The following MGAT4A variants were observed in gnomAD, a reference collection of about 807,000 sequenced individuals.
MGAT4A encodes the protein alpha-1,3-mannosyl-glycoprotein 4-beta-N-acetylglucosaminyltransferase A.
In MGAT4A, 33 loss-of-function variants were observed where a neutral mutation model predicts 74.1. The observed-to-expected ratio is 0.45, with a 90% CI of 0.34 to 0.60. MGAT4A has a LOEUF of 0.60. Among genes scored for constraint, MGAT4A ranks in the 20% least tolerant of loss-of-function variants. The pLI, the probability that MGAT4A is intolerant of heterozygous loss-of-function variation, is 0.02. For synonymous variants in MGAT4A, 198 were observed against 210.4 expected (o/e 0.94, Z 0.51); for missense variants, 479 against 628.3 (o/e 0.76, Z 2.54).
chr2:98,642,464 A>G (rs3769696), intron 10 of MGAT4A, among the ~76,000 whole-genome samples: 29,540 of 152,142 alleles, frequency 0.19, 3,309 homozygotes, highest in African/African-American at 0.3. Flanking sequence ...ACTACAGAAG[A>G]GTGAAGGAAT....
intron 2 of MGAT4A, among the ~76,000 whole-genome samples, chr2:98,690,397 C>T (rs897391052): frequency 2.0e-5 from 3 of 152,148 alleles, no homozygotes; most frequent in African/African-American, 4.8e-5. Flanking sequence ...GGGAAACTGA[C>T]CTCCCAACCC....
intron 2 of MGAT4A, among the ~76,000 whole-genome samples, chr2:98,712,300 T>C (rs11123747): frequency 0.33 from 49,786 of 152,142 alleles, 10,540 homozygotes; most frequent in African/African-American, 0.59. Flanking sequence ...TGTGCTGTTT[T>C]TACCCCAGTG....
rs191626424 is a variant in MGAT4A at position 98,669,392 on chromosome 2, C to T, written c.403+5643G>A. On this transcript the variant is annotated intron_variant, in intron 4 of 15. Transcript: ENST00000393487. ...TGCCATCCACGTAAGATGTGACTTG[C>T]TCCTCCTTGCCTTCCGCCATGATTG... 5.5e-4 allele frequency among the ~76,000 whole-genome samples: 84 copies of T among 152,300 alleles called. No homozygotes were observed. In the East Asian group the frequency reaches 6.2e-3, roughly 11 times the overall value.
At chr2:98,699,328 T>C (rs1341373807) in intron 2 of MGAT4A, among the ~76,000 whole-genome samples, 2 of 152,110 alleles carry the variant, frequency 1.3e-5, no homozygotes, top group African/African-American at 4.8e-5. Flanking sequence ...CTTGTACAAA[T>C]AGTTTAGGCA....
At chr2:98,633,839 C>CAA (rs1248380142) in intron 14 of MGAT4A, among the ~76,000 whole-genome samples, 8 of 152,184 alleles carry the variant, frequency 5.3e-5, no homozygotes, top group Admixed American at 3.3e-4. Context: ...ATAAATGTCT[C>CAA]AGATACTCAG....
At chr2:98,671,434 C>T (rs1448871871) in intron 4 of MGAT4A, among the ~76,000 whole-genome samples, 1 of 152,116 alleles carries the variant, frequency 6.6e-6, no homozygotes, top group African/African-American at 2.4e-5. Context: ...GGATAGAAAC[C>T]AAAATCCCAT....
At chr2:98,666,623 G>A (rs1221286635) in intron 4 of MGAT4A, among the ~76,000 whole-genome samples, 2 of 151,908 alleles carry the variant, frequency 1.3e-5, no homozygotes, top group Non-Finnish European at 2.9e-5. Flanking sequence ...AGCCTGGGAG[G>A]TAGAGGCTGC....
chr2:98,632,230 C>T (rs756670452), intron 14 of MGAT4A, among the ~76,000 whole-genome samples: 12 of 152,294 alleles, frequency 7.9e-5, no homozygotes, highest in Non-Finnish European at 1.8e-4. Flanking sequence ...CCCACTGGGA[C>T]CTCAGGAGCT....
intron 2 of MGAT4A, among the ~76,000 whole-genome samples, chr2:98,717,340 C>T (rs888205354): frequency 2.1e-4 from 32 of 150,880 alleles, no homozygotes; most frequent in African/African-American, 7.8e-4. Flanking sequence ...GATCGTGCCA[C>T]TGCACTGCAG....
intron 2 of MGAT4A, among the ~76,000 whole-genome samples, chr2:98,705,054 C>T (rs2871235): frequency 0.27 from 40,452 of 152,032 alleles, 6,286 homozygotes; most frequent in Non-Finnish European, 0.36. Context: ...GATAAGGAAA[C>T]CCAAGTTACT....
intron 2 of MGAT4A, among the ~76,000 whole-genome samples, chr2:98,693,509 C>T (rs1042038284): frequency 6.6e-6 from 1 of 152,038 alleles, no homozygotes; most frequent in African/African-American, 2.4e-5. Context: ...CAATTATAAA[C>T]AGGCTAGGCA....
chr2:98,729,544 A>G (rs1255239974), intron 1 of MGAT4A, among the ~76,000 whole-genome samples: 1 of 152,218 alleles, frequency 6.6e-6, no homozygotes, highest in Non-Finnish European at 1.5e-5. Context: ...AACAACAACA[A>G]AAAAAGGTAG....
At chr2:98,683,044 C>T (rs1176969891) in intron 2 of MGAT4A, among the ~76,000 whole-genome samples, 1 of 151,442 alleles carries the variant, frequency 6.6e-6, no homozygotes, top group Admixed American at 6.6e-5. Flanking sequence ...GCCGAGATCG[C>T]GCCACTGCAC....
At position 98,678,297 on chromosome 2, in the gene MGAT4A, T is replaced by A; in HGVS notation, c.262+7A>T. 1 of 1,294,666 alleles carries A rather than the reference T, an allele frequency of 7.7e-7. No homozygotes were observed. Among genetic ancestry groups the A allele is most frequent in the Non-Finnish European group, 1.0e-6 (1 of 993,128 alleles). The allele number at this position is 1,294,666 out of a possible 1,614,324, so 80.2% of individuals were successfully genotyped here. A position where few individuals can be genotyped will look rare whatever the true frequency, so the allele number is the denominator to read the frequency against. On this transcript the variant is annotated splice_region_variant and intron_variant, in intron 3 of 15. Transcript: ENST00000393487. ...TCTTTTTATAATATAAAAAATACTG[T>A]TTGTACCTGAAAACTTATTCAACGC...
intron 2 of MGAT4A, among the ~76,000 whole-genome samples, chr2:98,704,196 G>C (rs1212101581): frequency 1.3e-5 from 2 of 152,192 alleles, no homozygotes; most frequent in African/African-American, 4.8e-5. Context: ...GAGAGAAAAA[G>C]CAGCAATACG....
intron 8 of MGAT4A, among the ~76,000 whole-genome samples, chr2:98,649,375 C>G (rs923870120): frequency 6.6e-6 from 1 of 152,148 alleles, no homozygotes; most frequent in African/African-American, 2.4e-5. Context: ...CATTCCACAG[C>G]CAGAGGCCCT....
intron 9 of MGAT4A, among the ~76,000 whole-genome samples, chr2:98,644,779 G>A (rs1266967631): frequency 6.6e-6 from 1 of 151,956 alleles, no homozygotes; most frequent in Non-Finnish European, 1.5e-5. Context: ...GATTACAGGC[G>A]TCTGCCACCA....
At chr2:98,709,503 A>T (rs1702486225) in intron 2 of MGAT4A, among the ~76,000 whole-genome samples, 1 of 152,140 alleles carries the variant, frequency 6.6e-6, no homozygotes, top group African/African-American at 2.4e-5. Flanking sequence ...AAAATAAGAC[A>T]TTTTACAAGT....
intron 8 of MGAT4A, among the ~76,000 whole-genome samples, chr2:98,654,136 G>A (rs1333704610): frequency 3.3e-5 from 5 of 152,004 alleles, no homozygotes; most frequent in East Asian, 1.9e-4. Context: ...AAAATGTGAC[G>A]AACTAGAAAT....
Sources: allele counts gnomAD v4.1 joint callset (sites outside exome capture counted in the v4.1 genomes callset), GRCh38; gene constraint gnomAD v4.1.1; transcripts MANE v1.5; gene names NCBI Gene and HGNC (gene_info 2026-07-23, HGNC 2026-07-21).